The following TMEM62 variants were observed in gnomAD, a reference collection of about 807,000 sequenced individuals.
The protein encoded by TMEM62 is transmembrane protein 62.
Under a neutral mutation model 70.4 loss-of-function variants are expected in TMEM62, and 41 were observed. That is an observed-to-expected ratio of 0.58 (90% CI 0.45 to 0.76). The LOEUF (loss-of-function observed/expected upper bound fraction) is 0.76. TMEM62 is among the 30% of genes least tolerant of loss of function. The pLI is 0.00. For missense variants in TMEM62, 688 were observed against 788.5 expected (o/e 0.87, Z 1.53); for synonymous variants, 268 against 291.0 (o/e 0.92, Z 0.80).
At chr15:43,169,486 C>T in intron 10 of TMEM62, 107 bp from the exon 11 acceptor site, 3 of 890,920 alleles carry the variant, frequency 3.4e-6, no homozygotes, top group Non-Finnish European at 5.4e-6. Flanking sequence ...TCTTATATCA[C>T]AGTATCACAG....
chr15:43,183,947 G>T, intron 13 of TMEM62: 1 of 304,812 alleles, frequency 3.3e-6, no homozygotes, highest in Non-Finnish European at 6.0e-6. Flanking sequence ...GTTGTTGTAT[G>T]TGTGTGTATA....
At chr15:43,155,285 C>A (rs1042609173) in intron 9 of TMEM62, among the ~76,000 whole-genome samples, 2 of 151,546 alleles carry the variant, frequency 1.3e-5, no homozygotes, top group South Asian at 4.2e-4. Context: ...TCGCTTGAGG[C>A]CAGTAGTTTG....
intron 5 of TMEM62, among the ~76,000 whole-genome samples, chr15:43,147,373 C>T (rs1360301050): frequency 6.6e-6 from 1 of 152,172 alleles, no homozygotes; most frequent in Non-Finnish European, 1.5e-5. Context: ...TGTGGAAAGT[C>T]TCATTTGAGA....
At chr15:43,153,658 TTGTGTGTGTGTGTG>T (rs71431882) in intron 8 of TMEM62, among the ~76,000 whole-genome samples, 2 of 149,694 alleles carry the variant, frequency 1.3e-5, no homozygotes, top group Non-Finnish European at 3.0e-5. Flanking sequence ...CCATTGTACA[TTGTGTGTGTGTGTG>T]TGTGTGTGTG....
At chr15:43,182,390 C>A (rs1371033505) in intron 13 of TMEM62, among the ~76,000 whole-genome samples, 1 of 152,042 alleles carries the variant, frequency 6.6e-6, no homozygotes, top group African/African-American at 2.4e-5. Context: ...ATATTCTCTG[C>A]ATAGCAGCAT....
chr15:43,183,185 C>T (rs932734281), intron 13 of TMEM62, among the ~76,000 whole-genome samples: 19 of 152,244 alleles, frequency 1.2e-4, no homozygotes, highest in African/African-American at 4.6e-4. Flanking sequence ...GCAAGCTCTA[C>T]CTTATTTGAT....
chr15:43,178,759 T>A, intron 12 of TMEM62, 48 bp downstream of exon 12: 1 of 1,162,240 alleles, frequency 8.6e-7, no homozygotes, highest in Non-Finnish European at 1.3e-6. Flanking sequence ...AAGAATATAT[T>A]AACAATTTTG....
rs2041019092 is a variant in TMEM62 at position 43,178,591 on chromosome 15, A to C, written c.1382-16A>C. On this transcript the variant is annotated splice_polypyrimidine_tract_variant and intron_variant, in intron 11 of 13. Coordinates refer to ENST00000260403, the MANE Select transcript of TMEM62 (RefSeq NM_024956.4). ...TTGCATGTGTTCACTGGGTTTTTCA[A>C]CTTTATGTTTTTTAGAACCTTCAGG... 2 of 1,559,044 alleles carry C rather than the reference A, an allele frequency of 1.3e-6. No individual in the cohort carries two copies. The highest frequency in any genetic ancestry group is 2.7e-5 in the African/African-American group (2 of 73,554).
At chr15:43,160,570 T>A in intron 9 of TMEM62, 111 bp from the exon 10 acceptor site, 1 of 620,640 alleles carries the variant, frequency 1.6e-6, no homozygotes, top group Non-Finnish European at 2.7e-6. Context: ...ACAACAACAA[T>A]AACAACAACA....
intron 11 of TMEM62, 197 bp downstream of exon 11, chr15:43,169,874 G>C: frequency 2.0e-6 from 1 of 506,042 alleles, no homozygotes; most frequent in Non-Finnish European, 3.5e-6. Context: ...ATGGAGGCAG[G>C]GGTTATAGGA....
intron 13 of TMEM62, among the ~76,000 whole-genome samples, chr15:43,181,693 G>A (rs558035938): frequency 1.4e-4 from 22 of 152,250 alleles, no homozygotes; most frequent in African/African-American, 4.8e-4. Flanking sequence ...GTAGAGACAG[G>A]GTTTCACCAT....
At chr15:43,168,844 G>A (rs1345261195) in intron 10 of TMEM62, among the ~76,000 whole-genome samples, 4 of 152,138 alleles carry the variant, frequency 2.6e-5, no homozygotes, top group Admixed American at 2.0e-4. Flanking sequence ...AGGACCCTAG[G>A]GCACTTGTTT....
rs1215922679 is a variant in TMEM62 at position 43,184,682 on chromosome 15, G to C, written c.*96G>C. 1 of 1,154,172 alleles carries C rather than the reference G, an allele frequency of 8.7e-7. No individual in the cohort carries two copies. Among genetic ancestry groups the C allele is most frequent in the African/African-American group, 1.5e-5 (1 of 64,782 alleles). 71.5% of individuals were successfully genotyped at this position (1,154,172 alleles called of 1,614,324 possible). A position where few individuals can be genotyped will look rare whatever the true frequency, so the allele number is the denominator to read the frequency against. ...AGTAGCAGGTGGAGGGCCAGGATTG[G>C]TGGGTGAGCTTTAGGGAGCAGCTGC... On this transcript the variant is annotated 3_prime_UTR_variant, in exon 14 of 14. Coordinates refer to ENST00000260403, the MANE Select transcript of TMEM62 (RefSeq NM_024956.4).
rs1368323346 is a variant in TMEM62 at position 43,184,538 on chromosome 15, C to G, written c.1884C>G (p.Thr628=). 6.2e-7 allele frequency: 1 copy of G among 1,612,640 alleles called. No homozygotes were observed. Among genetic ancestry groups the G allele is most frequent in the African/African-American group, 1.3e-5 (1 of 74,900 alleles). Residue 628 remains threonine, a synonymous_variant, in exon 14 of 14, where the codon ACC becomes ACG. Coordinates refer to ENST00000260403, the MANE Select transcript of TMEM62 (RefSeq NM_024956.4). ...GTTATGTGTGGACACTGAACTCCAC[C>G]AAGTTTGGAATCTTCATGGTGCAGT... ...LIRYVWTLNS[T]KFGIFMVQLK... is the part of the protein sequence containing the mutation.
intron 8 of TMEM62, among the ~76,000 whole-genome samples, chr15:43,154,201 G>C (rs1358375581): frequency 6.6e-6 from 1 of 152,058 alleles, no homozygotes; most frequent in Non-Finnish European, 1.5e-5. Context: ...ATCAGGTTTA[G>C]GTGTCATACT....
chr15:43,164,451 CTTTTTTTT>C (rs943352342), intron 10 of TMEM62, among the ~76,000 whole-genome samples: 17 of 134,804 alleles, frequency 1.3e-4, no homozygotes, highest in Admixed American at 3.7e-4. Flanking sequence ...TTTTTCTTTT[CTTTTTTTT>C]TTTTTTTGAG....
Position 43,154,695 on chromosome 15 carries a change from C to G in TMEM62, c.1046C>G (p.Ser349Cys). 1 of 1,611,576 alleles carries G rather than the reference C, an allele frequency of 6.2e-7. No individual in the cohort carries two copies. The highest frequency in any genetic ancestry group is 8.5e-7 in the Non-Finnish European group (1 of 1,179,290). The change falls in exon 9 of 14, where the codon TCC (serine) becomes TGC (cysteine). Residue 349 changes from serine to cysteine, a missense_variant. Coordinates refer to ENST00000260403, the MANE Select transcript of TMEM62 (RefSeq NM_024956.4). Reference sequence around the variant, plus strand: ...AGAGTCTTGGCCTTTTCCTTATCCTCCATTACTTCTGTCACAGTTAAGATT... The same window carrying G: ...AGAGTCTTGGCCTTTTCCTTATCCTGCATTACTTCTGTCACAGTTAAGATT... The part of the protein sequence containing the change: ...HIRVLAFSLS[S>C]ITSVTVKIDG...
chr15:43,135,583 C>A lies in TMEM62; in HGVS notation c.364C>A (p.Gln122Lys), dbSNP rs778134491. ...RQHEVEWQTY[Q>K]GILKKTRVME... Reference sequence around the variant, plus strand: ...GCATGAGGTAGAATGGCAAACCTACCAGGGTATTCTGAAGAAGACAAGAGT... The same window carrying A: ...GCATGAGGTAGAATGGCAAACCTACAAGGGTATTCTGAAGAAGACAAGAGT... Residue 122 changes from glutamine (Q) to lysine (K), a missense_variant, in exon 3 of 14, where the codon CAG becomes AAG. Transcript: ENST00000260403. 9.9e-6 allele frequency: 16 copies of A among 1,610,416 alleles called. 1 individual carries two copies. In the East Asian group the frequency reaches 3.6e-4, roughly 36 times the overall value.
Position 43,133,837 on chromosome 15 carries a change from G to C in TMEM62, c.35G>C (p.Gly12Ala), listed in dbSNP as rs2034747768. The C allele has an allele frequency of 1.4e-6, 2 of 1,457,650 alleles. No individual in the cohort carries two copies. Among genetic ancestry groups the C allele is most frequent in the Non-Finnish European group, 1.8e-6 (2 of 1,112,282 alleles). 90.3% of individuals were successfully genotyped at this position (1,457,650 alleles called of 1,614,324 possible). The change falls in exon 1 of 14, where the codon GGG (glycine) becomes GCG (alanine). Residue 12 changes from glycine (G) to alanine (A), a missense_variant. Transcript: ENST00000260403. ...GTGCTGGCTCTCAGGGTGGTCGCGG[G>C]GTTGGCGGCCGCAGCGCTGGTGGCC... ...AAVLALRVVA[G>A]LAAAALVAML...
Sources: gnomAD v4.1 joint callset for allele counts (sites outside exome capture counted in the v4.1 genomes callset) on GRCh38, gnomAD v4.1.1 for gene constraint, MANE v1.5 for transcripts, NCBI Gene and HGNC (gene_info 2026-07-23, HGNC 2026-07-21) for gene names.